Variants in CDH13 observed in about 807,000 individuals in gnomAD.
CDH13 encodes the protein cadherin 13, also known as cadherin-13.
In CDH13, 24 loss-of-function variants were observed where a neutral mutation model predicts 63.8. The observed-to-expected ratio is 0.38, with a 90% confidence interval of 0.27 to 0.53. The LOEUF (loss-of-function observed/expected upper bound fraction) is 0.53. CDH13 is among the 20% of genes least tolerant of loss of function. The pLI is 0.85. For synonymous variants in CDH13, 503 were observed against 355.3 expected, an observed-to-expected ratio of 1.42 and a Z score of -4.67; for missense variants, 1,049 against 903.1, an observed-to-expected ratio of 1.16 and a Z score of -2.07.
intron 10 of CDH13, among the ~76,000 whole-genome samples, chr16:83,722,777 G>A (rs550581232): frequency 6.6e-6 from 1 of 152,210 alleles, no homozygotes; most frequent in South Asian, 2.1e-4. Flanking sequence ...GGCTGGGGGG[G>A]TGGATTTCAA....
chr16:83,747,613 A>G lies in CDH13; in HGVS notation c.1539-495A>G, dbSNP rs949915508. 4.0e-5 allele frequency among the ~76,000 whole-genome samples: 6 copies of G among 151,318 alleles called. 1 individual carries two copies. Among genetic ancestry groups the G allele is most frequent in the Admixed American group, 2.6e-4 (4 of 15,198 alleles). On this transcript the variant is annotated intron_variant, in intron 10 of 13. Coordinates refer to ENST00000567109, the MANE Select transcript of CDH13 (RefSeq NM_001257.5). Reference sequence around the variant, plus strand: ...TCCTCTCACTCTCTGATGACATCCTATCTATTCCTCCTGTCTTGGTTTGGA... The same window carrying G: ...TCCTCTCACTCTCTGATGACATCCTGTCTATTCCTCCTGTCTTGGTTTGGA...
intron 10 of CDH13, among the ~76,000 whole-genome samples, chr16:83,707,662 C>T (rs1032142660): frequency 5.3e-5 from 8 of 151,820 alleles, no homozygotes; most frequent in East Asian, 1.9e-4. Flanking sequence ...TTAGATTCCC[C>T]GTGTATCATA....
intron 2 of CDH13, among the ~76,000 whole-genome samples, chr16:82,900,715 C>T (rs1009856598): frequency 2.6e-5 from 4 of 152,136 alleles, no homozygotes; most frequent in Admixed American, 2.0e-4. Flanking sequence ...GGTCAAGAGG[C>T]GAGCCTGGGA....
At chr16:82,842,115 TATATATATATATATATATATATAC>T (rs2039042501) in intron 1 of CDH13, among the ~76,000 whole-genome samples, 9 of 51,838 alleles carry the variant, frequency 1.7e-4, no homozygotes, top group Non-Finnish European at 2.5e-4. Flanking sequence ...TATATATGTA[TATATATATATATATATATATATAC>T]ACATATATAT....
chr16:83,656,354 G>T (rs1912866533), intron 8 of CDH13, among the ~76,000 whole-genome samples: 1 of 152,130 alleles, frequency 6.6e-6, no homozygotes, highest in South Asian at 2.1e-4. Flanking sequence ...TCGGGAGGTG[G>T]AAAGGCCTCT....
At chr16:83,027,051 T>C (rs904375447) in intron 2 of CDH13, among the ~76,000 whole-genome samples, 2 of 150,110 alleles carry the variant, frequency 1.3e-5, no homozygotes, top group African/African-American at 4.9e-5. Context: ...GGGCCTCTTA[T>C]CCCAATTCAC....
chr16:83,336,896 C>G (rs79063438), intron 5 of CDH13, among the ~76,000 whole-genome samples: 4,561 of 152,166 alleles, frequency 0.03, 241 homozygotes, highest in African/African-American at 0.1. Context: ...TGGCCTTCAC[C>G]CAAGAAACCT....
chr16:83,082,066 C>T (rs2033291944), intron 3 of CDH13, among the ~76,000 whole-genome samples: 1 of 152,172 alleles, frequency 6.6e-6, no homozygotes, highest in Non-Finnish European at 1.5e-5. Flanking sequence ...TCCCAAAGTG[C>T]TGGGATTACA....
chr16:83,182,983 A>T (rs932858811), intron 4 of CDH13, among the ~76,000 whole-genome samples: 3 of 152,126 alleles, frequency 2.0e-5, no homozygotes, highest in African/African-American at 7.2e-5. Flanking sequence ...GATTCACAGT[A>T]AAAAAGAATA....
chr16:83,138,291 AT>A (rs1388121955), intron 4 of CDH13, among the ~76,000 whole-genome samples: 1 of 152,112 alleles, frequency 6.6e-6, no homozygotes, highest in African/African-American at 2.4e-5. Flanking sequence ...CTGCTTATGG[AT>A]TCCCCCGAGA....
rs560403384 is a variant in CDH13, at chr16:82,917,563, T to C, written c.157+59090T>C. On this transcript the variant is annotated intron_variant, in intron 2 of 13. Coordinates refer to ENST00000567109, the MANE Select transcript of CDH13 (RefSeq NM_001257.5). Reference sequence around the variant, plus strand: ...GAAAGGGAGAGAATAAAATGATACATTCAAAGAAGCGTATTGTGACAAAAT... The same window carrying C: ...GAAAGGGAGAGAATAAAATGATACACTCAAAGAAGCGTATTGTGACAAAAT... Among the ~76,000 whole-genome samples the C allele has an allele frequency of 2.9e-3, 442 of 152,228 alleles. 1 individual carries two copies. Among genetic ancestry groups the C allele is most frequent in the Non-Finnish European group, 3.8e-3 (261 of 68,010 alleles).
intron 2 of CDH13, among the ~76,000 whole-genome samples, chr16:83,021,240 G>C (rs1915319270): frequency 6.6e-6 from 1 of 152,184 alleles, no homozygotes; most frequent in Admixed American, 6.5e-5. Flanking sequence ...TAGCTGCCAA[G>C]TTGCAGTTCT....
At position 83,337,621 on chromosome 16, in the gene CDH13, A is replaced by ATTTTTT. The variant is rs66957563; in HGVS notation, c.637-7217_637-7212dup. ...ATTTGAGAATTAAATTGACAAGCGT[A>ATTTTTT]TTTTTTTTTTTTTTTTTTTTTTTTT... On this transcript the variant is annotated intron_variant, in intron 5 of 13. Coordinates refer to ENST00000567109, the MANE Select transcript of CDH13 (RefSeq NM_001257.5). 1.7e-3 allele frequency among the ~76,000 whole-genome samples: 87 copies of ATTTTTT among 52,278 alleles called. 5 individuals carry two copies. Among genetic ancestry groups the ATTTTTT allele is most frequent in the African/African-American group, 2.8e-3 (34 of 12,160 alleles). 34.3% of individuals were successfully genotyped at this position (52,278 alleles called of 152,430 possible).
intron 3 of CDH13, among the ~76,000 whole-genome samples, chr16:83,106,952 C>T (rs1208945395): frequency 6.6e-6 from 1 of 151,960 alleles, no homozygotes; most frequent in African/African-American, 2.4e-5. Context: ...ACATATAGTG[C>T]ATCCCTCCTA....
intron 2 of CDH13, among the ~76,000 whole-genome samples, chr16:82,882,608 GC>G (rs1411306278): frequency 6.6e-6 from 1 of 151,866 alleles, no homozygotes; most frequent in Non-Finnish European, 1.5e-5. Flanking sequence ...ATTTTCTTTG[GC>G]TTTTTTCCTT....
chr16:83,427,048 T>G (rs2071932185), intron 6 of CDH13, among the ~76,000 whole-genome samples: 1 of 147,862 alleles, frequency 6.8e-6, no homozygotes, highest in Admixed American at 6.8e-5. Flanking sequence ...TGCCTTAGCC[T>G]CCCAGGTAGC....
At chr16:82,817,808 A>C (rs1247345078) in intron 1 of CDH13, among the ~76,000 whole-genome samples, 2 of 152,318 alleles carry the variant, frequency 1.3e-5, no homozygotes, top group African/African-American at 2.4e-5. Context: ...CCATCTCAAA[A>C]AATCAAATGA....
chr16:83,232,507 C>G (rs936492791), intron 5 of CDH13, among the ~76,000 whole-genome samples: 1 of 149,262 alleles, frequency 6.7e-6, no homozygotes, highest in African/African-American at 2.5e-5. Flanking sequence ...GCCTGGGCAA[C>G]AGCAGGACTC....
At chr16:83,329,917 C>A (rs923086791) in intron 5 of CDH13, among the ~76,000 whole-genome samples, 1 of 152,106 alleles carries the variant, frequency 6.6e-6, no homozygotes, top group African/African-American at 2.4e-5. Flanking sequence ...TTTGATTATC[C>A]ATTCATCTGC....
Sources: allele counts gnomAD v4.1 joint callset (sites outside exome capture counted in the v4.1 genomes callset), GRCh38; gene constraint gnomAD v4.1.1; transcripts MANE v1.5; gene names NCBI Gene and HGNC (gene_info 2026-07-23, HGNC 2026-07-21).